The following WNT9B variants were observed in gnomAD, a reference collection of about 807,000 sequenced individuals.
WNT9B encodes protein Wnt-9b.
In WNT9B, 12 loss-of-function variants were observed where a neutral mutation model predicts 30.2. That is an observed-to-expected ratio of 0.40 (90% confidence interval 0.26 to 0.64). The LOEUF is 0.64. Among genes scored for constraint, WNT9B ranks in the 30% least tolerant of loss-of-function variants. The pLI, the probability that WNT9B is intolerant of heterozygous loss-of-function variation, is 0.42. For missense variants in WNT9B, 442 were observed against 485.2 expected, an observed-to-expected ratio of 0.91 and a Z score of 0.84; for synonymous variants, 218 against 216.9, an observed-to-expected ratio of 1.01 and a Z score of -0.05.
intron 1 of WNT9B, among the ~76,000 whole-genome samples, chr17:46,864,258 T>A (rs1027850131): frequency 1.3e-5 from 2 of 152,154 alleles, no homozygotes; most frequent in African/African-American, 4.8e-5. Context: ...GGGTAGGAAC[T>A]TGCCACCAGG....
At chr17:46,839,941 T>TTTCC (rs1555693214) in intron 1 of WNT9B, among the ~76,000 whole-genome samples, 1 of 149,270 alleles carries the variant, frequency 6.7e-6, no homozygotes, top group Non-Finnish European at 1.5e-5. Context: ...TCTTTCTTTC[T>TTTCC]TTCTTTCTTT....
At position 46,878,536 on chromosome 17, in the gene WNT9B, C is replaced by T. The variant is rs2085380447; in HGVS notation, c.*1818C>T. Among the ~76,000 whole-genome samples, 1 of 152,234 alleles carries T rather than the reference C, an allele frequency of 6.6e-6. No homozygotes were observed. Among genetic ancestry groups the T allele is most frequent in the African/African-American group, 2.4e-5 (1 of 41,454 alleles). On this transcript the variant is annotated 3_prime_UTR_variant, in exon 4 of 4. Transcript: ENST00000290015. ...TGCTGACCCAAGCACCTGGCCCACA[C>T]CTTGGCAGCAGGAGAAAAATGGGGA...
chr17:46,884,329 G>GGA (rs1568136681), downstream of WNT9B, among the ~76,000 whole-genome samples: 1 of 152,194 alleles, frequency 6.6e-6, no homozygotes, highest in Non-Finnish European at 1.5e-5. Flanking sequence ...CCCAGAGGCG[G>GGA]GAGATGTCAG....
intron 1 of WNT9B, among the ~76,000 whole-genome samples, chr17:46,836,017 G>A (rs1055690232): frequency 1.3e-5 from 2 of 151,916 alleles, no homozygotes; most frequent in South Asian, 4.1e-4. Flanking sequence ...ACACATTCTG[G>A]ATGGGGCCTG....
At position 46,872,616 on chromosome 17, in the gene WNT9B, G is replaced by A; in HGVS notation, c.177G>A (p.Lys59=). Reference sequence around the variant, plus strand: ...ACCTGAAGCAGTGTGACCTGCTGAAGCTGTCCCGGCGGCAGAAGCAGCTCT... The same window carrying A: ...ACCTGAAGCAGTGTGACCTGCTGAAACTGTCCCGGCGGCAGAAGCAGCTCT... ...GAHLKQCDLL[K]LSRRQKQLCR... Residue 59 remains lysine (K), a synonymous_variant, in exon 2 of 4, where the codon AAG becomes AAA. Coordinates refer to ENST00000290015, the MANE Select transcript of WNT9B (RefSeq NM_003396.3). 1 of 1,613,268 alleles carries A rather than the reference G, an allele frequency of 6.2e-7. No homozygotes were observed. Among genetic ancestry groups the A allele is most frequent in the South Asian group, 1.1e-5 (1 of 90,928 alleles).
chr17:46,871,264 C>G (rs577220162), intron 1 of WNT9B, among the ~76,000 whole-genome samples: 23 of 152,254 alleles, frequency 1.5e-4, no homozygotes, highest in Non-Finnish European at 1.6e-4. Context: ...AGGGTTACTT[C>G]TCTTGGGCTG....
At position 46,878,746 on chromosome 17, in the gene WNT9B, C is replaced by G. The variant is rs1456240926; in HGVS notation, c.*2028C>G. ...GGAGCAACGTGGAGGCCAGAGCACCCTGATCCACCAACATGCCACCTGCAT... is the reference window on the plus strand; with the variant it reads ...GGAGCAACGTGGAGGCCAGAGCACCGTGATCCACCAACATGCCACCTGCAT... On this transcript the variant is annotated 3_prime_UTR_variant, in exon 4 of 4. Coordinates refer to ENST00000290015, the MANE Select transcript of WNT9B (RefSeq NM_003396.3). Among the ~76,000 whole-genome samples the G allele has an allele frequency of 6.6e-6, 1 of 152,234 alleles. No individual in the cohort carries two copies. Among genetic ancestry groups the G allele is most frequent in the African/African-American group, 2.4e-5 (1 of 41,460 alleles).
chr17:46,845,530 C>T (rs1210564085), intron 1 of WNT9B, among the ~76,000 whole-genome samples: 1 of 146,896 alleles, frequency 6.8e-6, no homozygotes, highest in Non-Finnish European at 1.5e-5. Flanking sequence ...TGCTCTGTCA[C>T]CCTGGCCAGA....
chr17:46,882,421 G>A (rs928432146), downstream of WNT9B, among the ~76,000 whole-genome samples: 1 of 152,186 alleles, frequency 6.6e-6, no homozygotes, highest in African/African-American at 2.4e-5. Context: ...CTTGGGTGAT[G>A]TGTATCCTAT....
At chr17:46,853,580 C>A (rs1289472861) in intron 1 of WNT9B, among the ~76,000 whole-genome samples, 1 of 151,990 alleles carries the variant, frequency 6.6e-6, no homozygotes, top group Non-Finnish European at 1.5e-5. Context: ...CCATGTTGGC[C>A]AGGCTGGTCT....
chr17:46,836,099 T>C (rs1234725194), intron 1 of WNT9B, among the ~76,000 whole-genome samples: 1 of 120,776 alleles, frequency 8.3e-6, no homozygotes, highest in Non-Finnish European at 2.0e-5. Context: ...CGCTGACGTG[T>C]GTGTGTGTGT....
chr17:46,852,217 C>G (rs1044495986), intron 1 of WNT9B, among the ~76,000 whole-genome samples: 1 of 152,224 alleles, frequency 6.6e-6, no homozygotes, highest in Non-Finnish European at 1.5e-5. Flanking sequence ...GGGCTGTTCC[C>G]GGTCTCGGGG....
At position 46,876,742 on chromosome 17, in the gene WNT9B, T is replaced by C; in HGVS notation, c.*24T>C. 1 of 1,518,928 alleles carries C rather than the reference T, an allele frequency of 6.6e-7. No homozygotes were observed. The highest frequency in any genetic ancestry group is 8.8e-7 in the Non-Finnish European group (1 of 1,130,148). The allele number at this position is 1,518,928 out of a possible 1,614,324, so 94.1% of individuals were successfully genotyped here. ...AGGCCTACTGCCCAGCAAGCCAGTC[T>C]GGCACTGCCAGGACCTCCTGTGGCA... On this transcript the variant is annotated 3_prime_UTR_variant, in exon 4 of 4. Coordinates refer to ENST00000290015, the MANE Select transcript of WNT9B (RefSeq NM_003396.3).
chr17:46,878,478 A>G lies in WNT9B; in HGVS notation c.*1760A>G, dbSNP rs1045873294. On this transcript the variant is annotated 3_prime_UTR_variant, in exon 4 of 4. Coordinates refer to ENST00000290015, the MANE Select transcript of WNT9B (RefSeq NM_003396.3). ...CTGCAGAGGCCCGGCTGAGAAGCCA[A>G]ACTGACCTGAGCCCCTCTCGTTAAA... is the stretch of plus-strand genomic sequence containing the variant. Among the ~76,000 whole-genome samples, 1 of 152,176 alleles carries G rather than the reference A, an allele frequency of 6.6e-6. No homozygotes were observed. Among genetic ancestry groups the G allele is most frequent in the Non-Finnish European group, 1.5e-5 (1 of 68,022 alleles).
chr17:46,848,043 G>C (rs184316580), upstream of WNT9B, among the ~76,000 whole-genome samples: 1 of 151,994 alleles, frequency 6.6e-6, no homozygotes, highest in Non-Finnish European at 1.5e-5. Context: ...AGCCCTGAGC[G>C]CTGGCTGCCT....
rs1382413516 is a variant in WNT9B at position 46,875,024 on chromosome 17, G to A, written c.335-77G>A. On this transcript the variant is annotated intron_variant, in intron 2 of 3. Transcript: ENST00000290015. ...CACCGCCTCTGGCCCTCAGAGGGCG[G>A]CAGGCAACCTCTAAGCTTCCTCCTT... 3 of 1,609,714 alleles carry A rather than the reference G, an allele frequency of 1.9e-6. No homozygotes were observed. The South Asian group carries it at 3.3e-5, about 18-fold the overall frequency.
chr17:46,875,287 G>A lies in WNT9B; in HGVS notation c.521G>A (p.Ser174Asn). The change falls in exon 3 of 4, where the codon AGC (serine) becomes AAC (asparagine). Residue 174 changes from serine to asparagine, a missense_variant. By Grantham distance (46) the Ser-to-Asn change is conservative. Coordinates refer to ENST00000290015, the MANE Select transcript of WNT9B (RefSeq NM_003396.3). The part of the protein sequence containing the change: ...DNLKYSTKFL[S>N]NFLGSKRGNK... ...CTCAAGTACAGCACCAAGTTTCTGAGCAACTTCCTGGGGTCCAAGAGAGGA... is the reference window on the plus strand; with the variant it reads ...CTCAAGTACAGCACCAAGTTTCTGAACAACTTCCTGGGGTCCAAGAGAGGA... 1 of 1,614,168 alleles carries A rather than the reference G, an allele frequency of 6.2e-7. No individual in the cohort carries two copies. The highest frequency in any genetic ancestry group is 2.2e-5 in the East Asian group (1 of 44,872).
At position 46,877,836 on chromosome 17, in the gene WNT9B, T is replaced by C. The variant is rs774431715; in HGVS notation, c.*1118T>C. ...AAGGCTTTTGCCCTGGCTGGGGTTATAGGTGCTTGAGTCCTTGCTAAGCCT... is the reference window on the plus strand; with the variant it reads ...AAGGCTTTTGCCCTGGCTGGGGTTACAGGTGCTTGAGTCCTTGCTAAGCCT... On this transcript the variant is annotated 3_prime_UTR_variant, in exon 4 of 4. Coordinates refer to ENST00000290015, the MANE Select transcript of WNT9B (RefSeq NM_003396.3). 2.0e-5 allele frequency among the ~76,000 whole-genome samples: 3 copies of C among 152,220 alleles called. No homozygotes were observed. The highest frequency in any genetic ancestry group is 4.8e-5 in the African/African-American group (2 of 41,462).
chr17:46,836,641 C>T (rs780659490), intron 1 of WNT9B, among the ~76,000 whole-genome samples: 12 of 152,108 alleles, frequency 7.9e-5, no homozygotes, highest in Non-Finnish European at 1.6e-4. Context: ...CTAAATATGC[C>T]GCATGTTGGG....
Sources: gnomAD v4.1 joint callset for allele counts (sites outside exome capture counted in the v4.1 genomes callset) on GRCh38, gnomAD v4.1.1 for gene constraint, MANE v1.5 for transcripts, NCBI Gene and HGNC (gene_info 2026-07-23, HGNC 2026-07-21) for gene names.